SLC25A21: variants seen among roughly 807,000 people sequenced by gnomAD.
SLC25A21 encodes the protein mitochondrial 2-oxodicarboxylate carrier.
In SLC25A21, 47 loss-of-function variants were observed where a neutral mutation model predicts 43.8. That is an observed-to-expected ratio of 1.07 (90% CI 0.85 to 1.37). SLC25A21 has a LOEUF of 1.37. SLC25A21 is among the 40% of genes most tolerant of loss of function. The probability of loss-of-function intolerance (pLI) is 0.00; values close to 1 mark genes in which losing one functional copy is unlikely to be tolerated. For missense variants in SLC25A21, 352 were observed against 350.2 expected (o/e 1.00, Z -0.04); for synonymous variants, 131 against 121.3 (o/e 1.08, Z -0.52).
intron 1 of SLC25A21, among the ~76,000 whole-genome samples, chr14:36,954,408 G>A (rs1203213910): frequency 6.6e-6 from 1 of 151,938 alleles, no homozygotes; most frequent in African/African-American, 2.4e-5. Context: ...GAAATCTCTA[G>A]CTTGACTTCC....
At chr14:37,038,338 CTT>C (rs568131472) in intron 1 of SLC25A21, among the ~76,000 whole-genome samples, 15 of 152,262 alleles carry the variant, frequency 9.9e-5, no homozygotes, top group African/African-American at 3.6e-4. Flanking sequence ...AAAATTATAA[CTT>C]TTGAAAAATT....
chr14:37,055,814 T>G (rs1340854835), intron 1 of SLC25A21, among the ~76,000 whole-genome samples: 1 of 152,194 alleles, frequency 6.6e-6, no homozygotes, highest in Admixed American at 6.5e-5. Context: ...TTCACAAGTA[T>G]TATAAATTCT....
At chr14:36,720,564 G>GC (rs1334567318) in intron 6 of SLC25A21, among the ~76,000 whole-genome samples, 1 of 152,208 alleles carries the variant, frequency 6.6e-6, no homozygotes, top group Non-Finnish European at 1.5e-5. Context: ...TCTGCATGTA[G>GC]CCCATCCATT....
Position 36,916,567 on chromosome 14 carries a change from C to T in SLC25A21, c.71-41563G>A, listed in dbSNP as rs180740625. On this transcript the variant is annotated intron_variant, in intron 1 of 9. Coordinates refer to ENST00000331299, the MANE Select transcript of SLC25A21 (RefSeq NM_030631.4). The stretch of plus-strand genomic sequence containing the variant: ...GTCTACTGAAACACATGAAAAGATG[C>T]TATCTAATTATGTGTCATAACAGCA... Among the ~76,000 whole-genome samples the T allele has an allele frequency of 2.5e-3, 376 of 152,234 alleles. 5 individuals carry two copies. Among genetic ancestry groups the T allele is most frequent in the African/African-American group, 8.5e-3 (355 of 41,540 alleles).
intron 1 of SLC25A21, among the ~76,000 whole-genome samples, chr14:37,026,165 A>G (rs1024702863): frequency 3.3e-5 from 5 of 152,172 alleles, no homozygotes; most frequent in Non-Finnish European, 7.4e-5. Context: ...TTCAAGTCAT[A>G]GCTCTTTGTA....
At chr14:36,775,109 A>G (rs1425555175) in intron 3 of SLC25A21, among the ~76,000 whole-genome samples, 1 of 152,208 alleles carries the variant, frequency 6.6e-6, no homozygotes, top group Non-Finnish European at 1.5e-5. Flanking sequence ...CCTTCACTCA[A>G]TAGTTGCATA....
intron 2 of SLC25A21, among the ~76,000 whole-genome samples, chr14:36,853,541 C>T (rs548043239): frequency 6.6e-6 from 1 of 152,278 alleles, no homozygotes; most frequent in East Asian, 1.9e-4. Context: ...GCTACCAGCC[C>T]GGGTCATCAG....
chr14:37,044,675 T>C (rs1961550440), intron 1 of SLC25A21, among the ~76,000 whole-genome samples: 1 of 152,172 alleles, frequency 6.6e-6, no homozygotes, highest in South Asian at 2.1e-4. Flanking sequence ...TTAAGGTAGA[T>C]ACAGTCATGG....
At chr14:37,083,719 A>C (rs1031008667) in intron 1 of SLC25A21, among the ~76,000 whole-genome samples, 7 of 152,212 alleles carry the variant, frequency 4.6e-5, no homozygotes, top group African/African-American at 1.7e-4. Flanking sequence ...CTTGCTAGAA[A>C]TGCAGAACCT....
intron 1 of SLC25A21, among the ~76,000 whole-genome samples, chr14:37,014,517 C>T (rs1960803094): frequency 6.6e-6 from 1 of 152,064 alleles, no homozygotes; most frequent in South Asian, 2.1e-4. Context: ...CGTTCTCTTG[C>T]TATTTCTACC....
chr14:36,715,515 T>C (rs528907321), intron 6 of SLC25A21, among the ~76,000 whole-genome samples: 26 of 152,316 alleles, frequency 1.7e-4, no homozygotes, highest in African/African-American at 5.5e-4. Context: ...TAGCTCAGTT[T>C]CCTTGTATTA....
chr14:37,151,140 G>A (rs1268925977), intron 1 of SLC25A21, among the ~76,000 whole-genome samples: 8 of 152,110 alleles, frequency 5.3e-5, no homozygotes, highest in African/African-American at 1.9e-4. Context: ...CTCCAAAGAG[G>A]AGGCTATACG....
At chr14:36,911,751 C>T (rs1023151705) in intron 1 of SLC25A21, among the ~76,000 whole-genome samples, 1 of 152,030 alleles carries the variant, frequency 6.6e-6, no homozygotes, top group African/African-American at 2.4e-5. Flanking sequence ...CCATCAAGAC[C>T]AGTAGGAGGA....
At chr14:37,027,244 C>G (rs981986433) in intron 1 of SLC25A21, among the ~76,000 whole-genome samples, 12 of 112,192 alleles carry the variant, frequency 1.1e-4, no homozygotes, top group Admixed American at 9.2e-4. Context: ...GACTTGACAG[C>G]TAATACATCT....
At chr14:36,741,299 G>T (rs1421760223) in intron 3 of SLC25A21, among the ~76,000 whole-genome samples, 3 of 152,106 alleles carry the variant, frequency 2.0e-5, no homozygotes, top group Non-Finnish European at 4.4e-5. Context: ...TTTCTTATTT[G>T]CAGCTCCCAG....
chr14:36,757,449 A>G (rs1048996021), intron 3 of SLC25A21, among the ~76,000 whole-genome samples: 2 of 152,070 alleles, frequency 1.3e-5, no homozygotes, highest in African/African-American at 4.8e-5. Context: ...TTGACCACTC[A>G]TTTTCTTCTG....
intron 1 of SLC25A21, among the ~76,000 whole-genome samples, chr14:37,037,631 C>T (rs1961356454): frequency 6.6e-6 from 1 of 151,846 alleles, no homozygotes; most frequent in Admixed American, 6.6e-5. Flanking sequence ...GATTTCTCCC[C>T]TTTTTTCTTG....
At chr14:36,786,262 G>C (rs544966798) in intron 3 of SLC25A21, among the ~76,000 whole-genome samples, 1 of 152,304 alleles carries the variant, frequency 6.6e-6, no homozygotes, top group East Asian at 1.9e-4. Context: ...ACTCATTAAA[G>C]GTTATTCCTG....
chr14:37,087,111 T>G (rs1566871412), intron 1 of SLC25A21, among the ~76,000 whole-genome samples: 1 of 152,186 alleles, frequency 6.6e-6, no homozygotes, highest in Non-Finnish European at 1.5e-5. Context: ...GTCACATCTT[T>G]CTTCATTAAA....
Sources: gnomAD v4.1 joint callset for allele counts (sites outside exome capture counted in the v4.1 genomes callset) on GRCh38, gnomAD v4.1.1 for gene constraint, MANE v1.5 for transcripts, NCBI Gene and HGNC (gene_info 2026-07-23, HGNC 2026-07-21) for gene names.